Variants in SEL1L2 observed in about 807,000 individuals in gnomAD.
The protein encoded by SEL1L2 is SEL1L2 adaptor subunit of SYVN1 ubiquitin ligase.
In SEL1L2, 89 loss-of-function variants were observed where a neutral mutation model predicts 98.8. That is an observed-to-expected ratio of 0.90 (90% CI 0.76 to 1.07). The LOEUF (loss-of-function observed/expected upper bound fraction) is 1.07. SEL1L2 is among the 50% of genes least tolerant of loss of function. The pLI is 0.00. For missense variants in SEL1L2, 788 were observed against 812.0 expected (o/e 0.97, Z 0.36); for synonymous variants, 262 against 278.5 (o/e 0.94, Z 0.59).
chr20:13,985,188 T>C (rs1035848144), intron 1 of SEL1L2, among the ~76,000 whole-genome samples: 3 of 151,872 alleles, frequency 2.0e-5, no homozygotes, highest in Non-Finnish European at 4.4e-5. Flanking sequence ...CTTCAAGGAG[T>C]AAACCTGAAA....
intron 1 of SEL1L2, among the ~76,000 whole-genome samples, chr20:13,963,327 C>G (rs541716474): frequency 7.1e-6 from 1 of 140,568 alleles, no homozygotes; most frequent in Non-Finnish European, 1.5e-5. Flanking sequence ...CTCATTCTCT[C>G]TTATATTCTT....
At chr20:13,906,781 C>G (rs781709554) in intron 5 of SEL1L2, among the ~76,000 whole-genome samples, 1 of 152,120 alleles carries the variant, frequency 6.6e-6, no homozygotes, top group African/African-American at 2.4e-5. Flanking sequence ...CAGGTTCCCG[C>G]CATTCTCCTG....
chr20:13,898,770 C>T (rs962966161), intron 5 of SEL1L2, among the ~76,000 whole-genome samples: 2 of 152,158 alleles, frequency 1.3e-5, no homozygotes, highest in African/African-American at 2.4e-5. Flanking sequence ...GAGACAGAGT[C>T]TCGCCCTTGT....
At chr20:13,862,323 G>A (rs2147788935) in intron 17 of SEL1L2, among the ~76,000 whole-genome samples, 1 of 152,264 alleles carries the variant, frequency 6.6e-6, no homozygotes, top group African/African-American at 2.4e-5. Context: ...GGTCCCCTTG[G>A]GGTCTATGTT....
At chr20:13,863,750 T>C (rs1990542337) in intron 17 of SEL1L2, among the ~76,000 whole-genome samples, 1 of 152,148 alleles carries the variant, frequency 6.6e-6, no homozygotes, top group Non-Finnish European at 1.5e-5. Context: ...GGCAGGCAGA[T>C]CACGAGGTCA....
intron 1 of SEL1L2, among the ~76,000 whole-genome samples, chr20:13,984,749 T>C (rs2052070410): frequency 6.7e-6 from 1 of 149,354 alleles, no homozygotes; most frequent in South Asian, 2.2e-4. Flanking sequence ...CTAAAGGGCA[T>C]TAAATATTTG....
chr20:13,862,178 T>C (rs1028231765), intron 17 of SEL1L2, among the ~76,000 whole-genome samples: 1 of 152,188 alleles, frequency 6.6e-6, no homozygotes, highest in African/African-American at 2.4e-5. Context: ...TTTTAGATAA[T>C]GCTTTCCCTA....
At chr20:13,857,262 G>A (rs1267430068) in intron 18 of SEL1L2, among the ~76,000 whole-genome samples, 1 of 150,618 alleles carries the variant, frequency 6.6e-6, no homozygotes, top group Admixed American at 6.6e-5. Context: ...ACTTGTGACT[G>A]AAAGAGACTG....
At chr20:13,880,747 T>C (rs1305660778) in intron 10 of SEL1L2, among the ~76,000 whole-genome samples, 2 of 152,158 alleles carry the variant, frequency 1.3e-5, no homozygotes, top group Non-Finnish European at 2.9e-5. Context: ...TATTATAATA[T>C]ATATTGGTAA....
chr20:13,878,149 C>T (rs940511865), intron 10 of SEL1L2, among the ~76,000 whole-genome samples: 2 of 152,176 alleles, frequency 1.3e-5, no homozygotes, highest in Non-Finnish European at 2.9e-5. Flanking sequence ...TAGGTCGTTA[C>T]ATTAAATGAA....
At chr20:13,849,632 A>G (rs762823670) in intron 19 of SEL1L2, 28 bp from the exon 20 acceptor site, 1 of 1,610,776 alleles carries the variant, frequency 6.2e-7, no homozygotes, top group Non-Finnish European at 8.5e-7. Context: ...TCTCTCAAAA[A>G]CAATCCAAGC....
At chr20:13,924,383 T>A (rs910349137) in intron 3 of SEL1L2, among the ~76,000 whole-genome samples, 1 of 152,110 alleles carries the variant, frequency 6.6e-6, no homozygotes, top group South Asian at 2.1e-4. Flanking sequence ...TCTTAAGCCA[T>A]CCTTTGATTT....
At chr20:13,865,554 G>C in intron 15 of SEL1L2, 40 bp from the exon 16 acceptor site, 1 of 1,557,732 alleles carries the variant, frequency 6.4e-7, no homozygotes, top group Non-Finnish European at 8.8e-7. Flanking sequence ...TAGTTAGCCA[G>C]TATGCTTCAC....
chr20:13,968,867 C>T (rs2148500152), intron 1 of SEL1L2, among the ~76,000 whole-genome samples: 1 of 152,302 alleles, frequency 6.6e-6, no homozygotes, highest in East Asian at 1.9e-4. Flanking sequence ...ACAGAAATTA[C>T]ATTCCAATGT....
At chr20:13,966,879 CTTT>C (rs35292120) in intron 1 of SEL1L2, among the ~76,000 whole-genome samples, 2 of 104,132 alleles carry the variant, frequency 1.9e-5, no homozygotes. Context: ...AGAGACCTGT[CTTT>C]TTTTTTTTTT....
chr20:13,910,452 T>A (rs1466888457), intron 5 of SEL1L2, among the ~76,000 whole-genome samples: 4 of 152,138 alleles, frequency 2.6e-5, no homozygotes, highest in Middle Eastern at 3.2e-3. Flanking sequence ...ACTAAAAGAA[T>A]GAACAAAAGA....
In SEL1L2 at chr20:13,935,080, T is replaced by C. The variant is rs116725802; in HGVS notation, c.115-3309A>G. Among the ~76,000 whole-genome samples the C allele has an allele frequency of 6.3e-3, 958 of 152,310 alleles. 8 individuals carry two copies. Among genetic ancestry groups the C allele is most frequent in the African/African-American group, 0.021 (890 of 41,560 alleles). ...CAAGTTTGGCAAATGCCTGTGACTG[T>C]CTGATGTTTCTACTGGCTTCTTTAC... is the stretch of plus-strand genomic sequence containing the variant. On this transcript the variant is annotated intron_variant, in intron 2 of 19. Transcript: ENST00000284951.
chr20:13,994,338 C>T (rs2052591939), upstream of SEL1L2, among the ~76,000 whole-genome samples: 2 of 149,548 alleles, frequency 1.3e-5, no homozygotes, highest in African/African-American at 4.9e-5. Flanking sequence ...CAAAAATTAC[C>T]TTACCATGTT....
chr20:13,901,824 G>A (rs892853890), intron 5 of SEL1L2, among the ~76,000 whole-genome samples: 6 of 151,822 alleles, frequency 4.0e-5, no homozygotes, highest in Non-Finnish European at 4.4e-5. Flanking sequence ...ACCACGCCCG[G>A]CTAATTTTTT....
Sources: gnomAD v4.1 joint callset for allele counts (sites outside exome capture counted in the v4.1 genomes callset) on GRCh38, gnomAD v4.1.1 for gene constraint, MANE v1.5 for transcripts, NCBI Gene and HGNC (gene_info 2026-07-23, HGNC 2026-07-21) for gene names.